Variants in TNS1 observed in about 807,000 individuals in gnomAD.
TNS1 encodes the protein tensin 1.
TNS1 carries 62 observed loss-of-function variants against 168.6 expected under a neutral mutation model. The ratio of observed to expected loss-of-function variants is 0.37; its 90% CI spans 0.30 to 0.45. The LOEUF is 0.45. TNS1 is among the 20% of genes least tolerant of loss of function. The pLI is 1.00. For synonymous variants in TNS1, 934 were observed against 933.2 expected, an observed-to-expected ratio of 1.00 and a Z score of -0.02; for missense variants, 2,240 against 2,339.4, an observed-to-expected ratio of 0.96 and a Z score of 0.88.
chr2:217,978,666 G>A (rs976486989), intron 3 of TNS1, 99 bp downstream of exon 3: 1 of 636,316 alleles, frequency 1.6e-6, no homozygotes, highest in Non-Finnish European at 2.8e-6. Context: ...GGACGCCCCG[G>A]GCACCGCCCC....
intron 1 of TNS1, among the ~76,000 whole-genome samples, chr2:217,993,074 G>A (rs1410347901): frequency 1.3e-5 from 2 of 152,158 alleles, no homozygotes; most frequent in Non-Finnish European, 2.9e-5. Flanking sequence ...GTTCAGTACA[G>A]TGACATGCTG....
In TNS1 at chr2:217,835,163, G is replaced by C. The variant is rs1944991803; in HGVS notation, c.3208C>G (p.His1070Asp). The C allele has an allele frequency of 2.5e-6, 4 of 1,600,808 alleles. No homozygotes were observed. In the South Asian group the frequency reaches 4.5e-5, roughly 18 times the overall value. ...AAGGCCTCCTTGTAGCTGTGCAAAT[G>C]GGGCTGTGGGAGAACACAGGGGAGA... ...LNPGGRPKEP[H>D]LHSYKEAFEE... Residue 1070 changes from histidine to aspartate, a missense_variant, in exon 21 of 33, where the codon CAT (histidine) becomes GAT (aspartate). This residue lies in a region of TNS1 where 2,131 missense variants were observed against 2,171.2 expected (regional missense o/e 0.98). Transcript: ENST00000682258.
chr2:217,990,517 A>G (rs1437486783), intron 2 of TNS1, among the ~76,000 whole-genome samples: 1 of 150,022 alleles, frequency 6.7e-6, no homozygotes, highest in African/African-American at 2.5e-5. Flanking sequence ...AACACACATC[A>G]TCCACACACC....
At chr2:217,978,350 AGG>A (rs1439917538) in intron 3 of TNS1, among the ~76,000 whole-genome samples, 21 of 152,030 alleles carry the variant, frequency 1.4e-4, no homozygotes, top group African/African-American at 5.1e-4. Context: ...GTGGACACTG[AGG>A]TTTTCTAGGT....
rs58334549 is a variant in TNS1 at position 217,920,351 on chromosome 2, C to A, written c.187-115G>T. On this transcript the variant is annotated intron_variant, in intron 3 of 32. Transcript: ENST00000682258. ...CTTCATTCCCTCACACGGGCTGACACCTTCTGGGTTGAGAGTTCTTCAGCA... is the reference window on the plus strand; with the variant it reads ...CTTCATTCCCTCACACGGGCTGACAACTTCTGGGTTGAGAGTTCTTCAGCA... The A allele has an allele frequency of 8.0e-5, 54 of 677,800 alleles. No homozygotes were observed. The African/African-American group carries it at 8.3e-4, about 10-fold the overall frequency. 42.0% of individuals were successfully genotyped at this position (677,800 alleles called of 1,614,324 possible).
At chr2:217,827,199 C>T (rs190354784) in intron 22 of TNS1, among the ~76,000 whole-genome samples, 163 of 152,242 alleles carry the variant, frequency 1.1e-3, no homozygotes, top group Admixed American at 9.8e-4. Flanking sequence ...AAACAGTCAG[C>T]GCACAAAGTA....
At chr2:218,020,021 G>A (rs1350211096) in intron 1 of TNS1, among the ~76,000 whole-genome samples, 2 of 152,104 alleles carry the variant, frequency 1.3e-5, no homozygotes, top group African/African-American at 2.4e-5. Context: ...TGGATCCTCC[G>A]GGTGCAGTGG....
chr2:217,847,860 T>A lies in TNS1; in HGVS notation c.2657A>T (p.Gln886Leu). The A allele has an allele frequency of 6.3e-7, 1 of 1,580,674 alleles. No individual in the cohort carries two copies. Among genetic ancestry groups the A allele is most frequent in the Non-Finnish European group, 8.7e-7 (1 of 1,154,224 alleles). The change falls in exon 19 of 33, where the codon CAG becomes CTG. Residue 886 changes from glutamine to leucine, a missense_variant. Physicochemically the swap from Gln to Leu is moderately radical, Grantham distance 113. Coordinates refer to ENST00000682258, the MANE Select transcript of TNS1 (RefSeq NM_001387777.1). ...GSSRQSHPLT[Q>L]SRSGYIPSGH... ...ACTGGGGATATAGCCAGATCTGGAC[T>A]GGGTCAGTGGATGGGACTGACGGGA...
chr2:217,823,223 A>C (rs1478093778), intron 22 of TNS1, among the ~76,000 whole-genome samples: 1 of 152,198 alleles, frequency 6.6e-6, no homozygotes, highest in Non-Finnish European at 1.5e-5. Flanking sequence ...CTGTTGGGTC[A>C]GGCTGTCACT....
intron 1 of TNS1, among the ~76,000 whole-genome samples, chr2:218,020,010 GTGGA>G (rs1559413398): frequency 4.6e-5 from 7 of 152,284 alleles, no homozygotes; most frequent in African/African-American, 1.7e-4. Context: ...GAAATGTGAA[GTGGA>G]TCCTCCGGGT....
chr2:217,949,660 CT>C (rs1387454898), intron 3 of TNS1, among the ~76,000 whole-genome samples: 2 of 152,130 alleles, frequency 1.3e-5, no homozygotes, highest in African/African-American at 4.8e-5. Flanking sequence ...GCTCCATCCT[CT>C]GCCCTGGCTT....
chr2:217,832,034 G>A (rs966286359), intron 21 of TNS1, among the ~76,000 whole-genome samples: 5 of 151,918 alleles, frequency 3.3e-5, no homozygotes, highest in African/African-American at 1.2e-4. Flanking sequence ...GAAGAAAATT[G>A]GGCCTCAGGA....
intron 4 of TNS1, among the ~76,000 whole-genome samples, chr2:217,909,571 C>CCACACACA (rs3054350): frequency 0.079 from 11,664 of 147,170 alleles, 705 homozygotes; most frequent in African/African-American, 0.17. Context: ...GCCTGGGTGC[C>CCACACACA]CACACACACA....
intron 4 of TNS1, among the ~76,000 whole-genome samples, chr2:217,914,622 A>G (rs1484580494): frequency 1.3e-5 from 2 of 152,176 alleles, no homozygotes; most frequent in African/African-American, 4.8e-5. Context: ...AGTAGCTAGG[A>G]CTACAGGCAC....
chr2:217,867,897 A>G (rs77147469), intron 18 of TNS1, among the ~76,000 whole-genome samples: 8,427 of 152,314 alleles, frequency 0.055, 261 homozygotes, highest in Non-Finnish European at 0.064. Context: ...CCCATTCCCA[A>G]TCACCCTTAC....
chr2:217,926,042 G>T lies in TNS1; in HGVS notation c.187-5806C>A, dbSNP rs4674228. Among the ~76,000 whole-genome samples the T allele has an allele frequency of 0.019, 2,833 of 152,234 alleles. 143 individuals are homozygous for T. The East Asian group carries it at 0.2, about 11-fold the overall frequency. ...AATGAGATAACTAAGTTAAAATGAG[G>T]CCCTAATCCAATCTGACTGGTGTCC... On this transcript the variant is annotated intron_variant, in intron 3 of 32. Coordinates refer to ENST00000682258, the MANE Select transcript of TNS1 (RefSeq NM_001387777.1).
chr2:217,879,491 C>G (rs1231770788), intron 18 of TNS1: 1 of 445,206 alleles, frequency 2.2e-6, no homozygotes, highest in Non-Finnish European at 4.5e-6. Context: ...GGTGTCTTGG[C>G]CAATCTGAGG....
intron 3 of TNS1, among the ~76,000 whole-genome samples, chr2:217,963,886 A>G (rs912585492): frequency 6.4e-5 from 9 of 140,098 alleles, no homozygotes; most frequent in African/African-American, 1.8e-4. Context: ...TCTACTAAAA[A>G]TACAAAAAAA....
At chr2:217,864,180 C>G (rs926393280) in intron 18 of TNS1, among the ~76,000 whole-genome samples, 1 of 152,224 alleles carries the variant, frequency 6.6e-6, no homozygotes, top group African/African-American at 2.4e-5. Flanking sequence ...CATATCCACT[C>G]ACCGCGCTTC....
Sources: gnomAD v4.1 joint callset for allele counts (sites outside exome capture counted in the v4.1 genomes callset) on GRCh38, gnomAD v4.1.1 for gene constraint, gnomAD v4.1.1 regional missense constraint, MANE v1.5 for transcripts, NCBI Gene and HGNC (gene_info 2026-07-23, HGNC 2026-07-21) for gene names.